The following MAN1A1 variants were observed in gnomAD, a reference collection of about 807,000 sequenced individuals.
The protein encoded by MAN1A1 is mannosidase alpha class 1A member 1.
A neutral mutation model predicts 70.8 loss-of-function variants in MAN1A1; 29 were observed. The ratio of observed to expected loss-of-function variants is 0.41; its 90% confidence interval spans 0.31 to 0.56. MAN1A1 has a LOEUF of 0.56. MAN1A1 is among the 20% of genes least tolerant of loss of function. The probability of loss-of-function intolerance (pLI) is 0.29; values close to 1 mark genes in which losing one functional copy is unlikely to be tolerated. For synonymous variants in MAN1A1, 349 were observed against 330.1 expected (o/e 1.06, Z -0.62); for missense variants, 747 against 841.3 (o/e 0.89, Z 1.39).
chr6:119,241,975 T>C (rs532403854), intron 6 of MAN1A1, among the ~76,000 whole-genome samples: 163 of 151,312 alleles, frequency 1.1e-3, no homozygotes, highest in African/African-American at 3.6e-3. Context: ...TGTGTGTGTA[T>C]ATGTGTGTGT....
At chr6:119,206,744 T>C (rs900982321) in intron 6 of MAN1A1, among the ~76,000 whole-genome samples, 1 of 152,248 alleles carries the variant, frequency 6.6e-6, no homozygotes, top group Admixed American at 6.5e-5. Flanking sequence ...CATTAACTAG[T>C]TGTCATGACA....
intron 11 of MAN1A1, among the ~76,000 whole-genome samples, chr6:119,181,718 T>C (rs983922326): frequency 6.6e-6 from 1 of 152,188 alleles, no homozygotes; most frequent in Non-Finnish European, 1.5e-5. Context: ...TTGTTTCTAT[T>C]TTTCTTTAAC....
intron 11 of MAN1A1, among the ~76,000 whole-genome samples, chr6:119,183,219 G>T (rs1009722587): frequency 6.6e-6 from 1 of 152,128 alleles, no homozygotes; most frequent in Admixed American, 6.5e-5. Flanking sequence ...TGGCCAGCAG[G>T]CCACATGAAT....
In MAN1A1 at chr6:119,290,198, G is replaced by A. The variant is rs558591997; in HGVS notation, c.897+485C>T. Among the ~76,000 whole-genome samples the A allele has an allele frequency of 2.6e-5, 4 of 152,004 alleles. No individual in the cohort carries two copies. The East Asian group carries it at 7.7e-4, about 29-fold the overall frequency. ...AAGAGCTCCAAAGCACTTGATACAG[G>A]GATGCTGGCCTTTAGGACTGTTTAC... On this transcript the variant is annotated intron_variant, in intron 5 of 12. Transcript: ENST00000368468.
intron 2 of MAN1A1, among the ~76,000 whole-genome samples, chr6:119,337,909 A>G (rs1773501999): frequency 6.6e-6 from 1 of 152,160 alleles, no homozygotes; most frequent in Non-Finnish European, 1.5e-5. Context: ...GTTTTTTACT[A>G]CATAAAGTTC....
chr6:119,215,609 T>C (rs766051084), intron 6 of MAN1A1, among the ~76,000 whole-genome samples: 4 of 152,206 alleles, frequency 2.6e-5, no homozygotes, highest in Admixed American at 2.0e-4. Flanking sequence ...AATTTATAGA[T>C]TGGGTCTACA....
intron 2 of MAN1A1, among the ~76,000 whole-genome samples, chr6:119,322,818 G>T (rs772056314): frequency 6.6e-6 from 1 of 152,198 alleles, no homozygotes; most frequent in Non-Finnish European, 1.5e-5. Context: ...CAAGCTGTGG[G>T]TAACAATCAT....
At chr6:119,328,859 TG>T (rs1275445012) in intron 2 of MAN1A1, among the ~76,000 whole-genome samples, 1 of 152,198 alleles carries the variant, frequency 6.6e-6, no homozygotes, top group African/African-American at 2.4e-5. Flanking sequence ...TGACAGTTAA[TG>T]GAACAATATA....
At chr6:119,233,853 G>A (rs1394408335) in intron 6 of MAN1A1, among the ~76,000 whole-genome samples, 4 of 152,174 alleles carry the variant, frequency 2.6e-5, no homozygotes, top group Non-Finnish European at 5.9e-5. Flanking sequence ...ATGAGTTATA[G>A]AGTGCCACCA....
intron 5 of MAN1A1, among the ~76,000 whole-genome samples, chr6:119,272,610 A>T (rs1775955377): frequency 6.6e-6 from 1 of 152,202 alleles, no homozygotes; most frequent in South Asian, 2.1e-4. Flanking sequence ...GAGCGTATAC[A>T]CTTATCACAA....
At chr6:119,243,702 A>G (rs1423272899) in intron 6 of MAN1A1, among the ~76,000 whole-genome samples, 12 of 152,262 alleles carry the variant, frequency 7.9e-5, no homozygotes, top group African/African-American at 2.6e-4. Context: ...CAATTTAATT[A>G]TAATAATATA....
chr6:119,186,892 C>A (rs1021602491), intron 11 of MAN1A1, among the ~76,000 whole-genome samples: 2 of 152,186 alleles, frequency 1.3e-5, no homozygotes, highest in Non-Finnish European at 2.9e-5. Context: ...CAGGTTCTAG[C>A]AGAGGTTACT....
chr6:119,347,640 C>A (rs528590015), intron 2 of MAN1A1, among the ~76,000 whole-genome samples: 1 of 152,178 alleles, frequency 6.6e-6, no homozygotes, highest in African/African-American at 2.4e-5. Flanking sequence ...GAGCTCTGGG[C>A]CCTTCGATCT....
upstream of MAN1A1, among the ~76,000 whole-genome samples, chr6:119,350,157 C>G (rs940830073): frequency 1.3e-5 from 2 of 152,184 alleles, no homozygotes; most frequent in Non-Finnish European, 2.9e-5. Context: ...CTCTCTGCCT[C>G]CTCCTCCGAC....
At chr6:119,318,121 A>T (rs1397085280) in intron 2 of MAN1A1, among the ~76,000 whole-genome samples, 1 of 152,224 alleles carries the variant, frequency 6.6e-6, no homozygotes, top group Admixed American at 6.5e-5. Flanking sequence ...CCTAAGGATA[A>T]TCTTGGAGTA....
intron 6 of MAN1A1, among the ~76,000 whole-genome samples, chr6:119,233,486 T>G (rs1308712364): frequency 6.6e-6 from 1 of 152,214 alleles, no homozygotes; most frequent in Non-Finnish European, 1.5e-5. Flanking sequence ...TGAGACAATA[T>G]GCCCATTATA....
intron 8 of MAN1A1, among the ~76,000 whole-genome samples, chr6:119,194,927 G>T (rs1773530319): frequency 6.6e-6 from 1 of 151,608 alleles, no homozygotes; most frequent in African/African-American, 2.4e-5. Flanking sequence ...CCGCCTCCCA[G>T]GTTCAAGCTA....
chr6:119,334,851 A>C (rs534968551), intron 2 of MAN1A1, among the ~76,000 whole-genome samples: 3 of 152,302 alleles, frequency 2.0e-5, no homozygotes, highest in East Asian at 1.9e-4. Flanking sequence ...CACAAAAATT[A>C]TTTCTTTCTA....
At chr6:119,181,016 T>C (rs1189989933) in intron 11 of MAN1A1, among the ~76,000 whole-genome samples, 2 of 152,206 alleles carry the variant, frequency 1.3e-5, no homozygotes, top group African/African-American at 4.8e-5. Context: ...ATTCCCCCTA[T>C]GGTCTGGAGC....
Sources: allele counts gnomAD v4.1 joint callset (sites outside exome capture counted in the v4.1 genomes callset), GRCh38; gene constraint gnomAD v4.1.1; transcripts MANE v1.5; gene names NCBI Gene and HGNC (gene_info 2026-07-23, HGNC 2026-07-21).